RIT2: variants seen among roughly 807,000 people sequenced by gnomAD.
RIT2 encodes the protein GTP-binding protein Rit2.
RIT2 carries 24 observed loss-of-function variants against 23.7 expected under a neutral mutation model. That is an observed-to-expected ratio of 1.01 (90% confidence interval 0.73 to 1.43). RIT2 has a LOEUF of 1.43. RIT2 is among the 40% of genes most tolerant of loss of function. The pLI, the probability that RIT2 is intolerant of heterozygous loss-of-function variation, is 0.00. For synonymous variants in RIT2, 107 were observed against 91.1 expected, an observed-to-expected ratio of 1.17 and a Z score of -0.99; for missense variants, 236 against 266.9, an observed-to-expected ratio of 0.88 and a Z score of 0.81.
At chr18:43,083,598 T>G (rs2144350704) in intron 1 of RIT2, among the ~76,000 whole-genome samples, 1 of 152,228 alleles carries the variant, frequency 6.6e-6, no homozygotes. Flanking sequence ...CATCTGATCT[T>G]TTACAAACCT....
intron 3 of RIT2, among the ~76,000 whole-genome samples, chr18:42,940,269 T>TATATATATATATATATATATGC (rs1555648056): frequency 1.4e-5 from 2 of 137,990 alleles, no homozygotes; most frequent in African/African-American, 5.5e-5. Flanking sequence ...TATATATATA[T>TATATATATATATATATATATGC]GCACACACAC....
intron 4 of RIT2, among the ~76,000 whole-genome samples, chr18:42,849,415 T>C (rs1906990658): frequency 6.6e-6 from 1 of 152,188 alleles, no homozygotes; most frequent in Non-Finnish European, 1.5e-5. Context: ...GTAGTGCCAC[T>C]TATGTACTGT....
At chr18:42,868,829 C>T (rs753017142) in intron 4 of RIT2, among the ~76,000 whole-genome samples, 26 of 152,162 alleles carry the variant, frequency 1.7e-4, no homozygotes, top group Non-Finnish European at 3.4e-4. Flanking sequence ...AGAATCATCA[C>T]AGAATCAGGA....
At chr18:43,052,592 C>T (rs1007460768) in intron 1 of RIT2, among the ~76,000 whole-genome samples, 1 of 152,006 alleles carries the variant, frequency 6.6e-6, no homozygotes, top group African/African-American at 2.4e-5. Flanking sequence ...ACGAAAAAGT[C>T]CAGGGGCTGG....
intron 4 of RIT2, among the ~76,000 whole-genome samples, chr18:42,754,800 T>G (rs1184717134): frequency 1.3e-5 from 2 of 152,222 alleles, no homozygotes; most frequent in African/African-American, 4.8e-5. Context: ...AAATAAACAG[T>G]CACTGGAGAC....
chr18:42,811,728 G>T (rs1472771474), intron 4 of RIT2, among the ~76,000 whole-genome samples: 2 of 152,144 alleles, frequency 1.3e-5, no homozygotes, highest in Non-Finnish European at 2.9e-5. Flanking sequence ...AAACGGAATG[G>T]AAGGATTCGT....
At chr18:42,806,959 C>T (rs1315453831) in intron 4 of RIT2, among the ~76,000 whole-genome samples, 1 of 152,102 alleles carries the variant, frequency 6.6e-6, no homozygotes, top group Non-Finnish European at 1.5e-5. Flanking sequence ...AAGGAAATAA[C>T]TTTTTATCAT....
intron 2 of RIT2, among the ~76,000 whole-genome samples, chr18:42,998,230 C>T (rs1911030443): frequency 1.3e-5 from 2 of 152,200 alleles, no homozygotes; most frequent in South Asian, 4.1e-4. Flanking sequence ...AGAACCACCT[C>T]AAATATTATT....
chr18:43,042,004 C>A (rs1344338513), intron 1 of RIT2, among the ~76,000 whole-genome samples: 1 of 152,042 alleles, frequency 6.6e-6, no homozygotes, highest in East Asian at 1.9e-4. Context: ...CCAAAAAATA[C>A]TTGATATTTA....
intron 3 of RIT2, among the ~76,000 whole-genome samples, chr18:42,958,051 A>G (rs1910014000): frequency 6.6e-6 from 1 of 152,112 alleles, no homozygotes; most frequent in Non-Finnish European, 1.5e-5. Context: ...GCTGGTTAAA[A>G]GAGTTCCTAC....
chr18:43,108,936 C>T (rs561372461), intron 1 of RIT2, among the ~76,000 whole-genome samples: 1 of 152,240 alleles, frequency 6.6e-6, no homozygotes, highest in East Asian at 1.9e-4. Context: ...AACGCATGGC[C>T]ACGATGTGAC....
At chr18:43,015,770 A>C (rs1911459901) in intron 2 of RIT2, among the ~76,000 whole-genome samples, 2 of 151,724 alleles carry the variant, frequency 1.3e-5, no homozygotes, top group Non-Finnish European at 3.0e-5. Flanking sequence ...TGAAGAAGAC[A>C]AAAGAAAAGA....
chr18:42,855,680 A>C (rs1385504832), intron 4 of RIT2, among the ~76,000 whole-genome samples: 1 of 152,228 alleles, frequency 6.6e-6, no homozygotes, highest in African/African-American at 2.4e-5. Context: ...CATTTCAAAA[A>C]GTTCACAAAG....
intron 4 of RIT2, among the ~76,000 whole-genome samples, chr18:42,879,431 C>T (rs2144076232): frequency 6.6e-6 from 1 of 152,172 alleles, no homozygotes; most frequent in African/African-American, 2.4e-5. Flanking sequence ...GTTTTTAAGG[C>T]ATTGCTTCAC....
chr18:42,880,552 G>A (rs542739193), intron 4 of RIT2, among the ~76,000 whole-genome samples: 1 of 152,004 alleles, frequency 6.6e-6, no homozygotes, highest in South Asian at 2.1e-4. Context: ...TATCTTTTAC[G>A]TATGTAATTT....
In RIT2 at chr18:42,929,873, A is replaced by G. The variant is rs189473753; in HGVS notation, c.235-6110T>C. Among the ~76,000 whole-genome samples the G allele has an allele frequency of 9.3e-4, 142 of 152,168 alleles. 1 individual carries two copies. The Middle Eastern group carries it at 0.034, about 36-fold the overall frequency. On this transcript the variant is annotated intron_variant, in intron 3 of 4. Coordinates refer to ENST00000326695, the MANE Select transcript of RIT2 (RefSeq NM_002930.4). ...CTCCATGGACAGGTGCCCCAGAGAG[A>G]ACACTGGCAATTATGTTCAGAAGCC...
chr18:42,814,215 C>A (rs1483977958), intron 4 of RIT2, among the ~76,000 whole-genome samples: 1 of 152,168 alleles, frequency 6.6e-6, no homozygotes, highest in Non-Finnish European at 1.5e-5. Context: ...GAGAAGTCTC[C>A]TAGCCTGAAC....
At chr18:42,928,212 C>CAT (rs1319562625) in intron 3 of RIT2, among the ~76,000 whole-genome samples, 9 of 151,690 alleles carry the variant, frequency 5.9e-5, no homozygotes, top group South Asian at 4.2e-4. Context: ...AGTGGTAGGG[C>CAT]ATATATATAT....
intron 4 of RIT2, among the ~76,000 whole-genome samples, chr18:42,913,482 A>G (rs1167140762): frequency 1.3e-5 from 2 of 151,944 alleles, no homozygotes; most frequent in Admixed American, 1.3e-4. Flanking sequence ...CATATCTACA[A>G]AGGGTTGGAA....
Sources: allele counts gnomAD v4.1 joint callset (sites outside exome capture counted in the v4.1 genomes callset), GRCh38; gene constraint gnomAD v4.1.1; transcripts MANE v1.5; gene names NCBI Gene and HGNC (gene_info 2026-07-23, HGNC 2026-07-21).